The following PRDM6 variants were observed in gnomAD, a reference collection of about 807,000 sequenced individuals.
PRDM6 encodes the protein PR/SET domain 6.
Under a neutral mutation model 60.8 loss-of-function variants are expected in PRDM6, and 25 were observed. The observed-to-expected ratio is 0.41, with a 90% confidence interval of 0.30 to 0.57. The LOEUF (loss-of-function observed/expected upper bound fraction) is 0.57, where lower values mean the gene tolerates loss of function less well. Ranked by LOEUF, PRDM6 falls within the 20% of genes least tolerant of loss-of-function variation. PRDM6 has a pLI of 0.27. For missense variants in PRDM6, 839 were observed against 821.3 expected, an observed-to-expected ratio of 1.02 and a Z score of -0.26; for synonymous variants, 407 against 357.4, an observed-to-expected ratio of 1.14 and a Z score of -1.57.
At chr5:123,137,633 C>T (rs1764992605) in intron 3 of PRDM6, among the ~76,000 whole-genome samples, 1 of 152,068 alleles carries the variant, frequency 6.6e-6, no homozygotes. Flanking sequence ...ACACCCGGGC[C>T]TGTCAGGGGG....
chr5:123,159,671 T>G, intron 5 of PRDM6, 33 bp downstream of exon 5: 1 of 1,545,512 alleles, frequency 6.5e-7, no homozygotes, highest in Non-Finnish European at 8.7e-7. Flanking sequence ...AATTCACATT[T>G]CAATATACCT....
chr5:123,124,317 C>G (rs1199680530), intron 3 of PRDM6, among the ~76,000 whole-genome samples: 3 of 152,196 alleles, frequency 2.0e-5, no homozygotes, highest in Non-Finnish European at 4.4e-5. Context: ...TAGACACTCG[C>G]ATTTGTAGAA....
At chr5:123,128,550 G>C (rs190211201) in intron 3 of PRDM6, among the ~76,000 whole-genome samples, 1 of 152,184 alleles carries the variant, frequency 6.6e-6, no homozygotes, top group Admixed American at 6.5e-5. Flanking sequence ...TGTGTCGTTT[G>C]GCTGCATAAA....
chr5:123,168,078 C>T (rs879505543), intron 5 of PRDM6, among the ~76,000 whole-genome samples: 6 of 152,114 alleles, frequency 3.9e-5, no homozygotes, highest in Admixed American at 3.3e-4. Context: ...TCCTTCTTGT[C>T]GTTCAGTGCC....
At chr5:123,121,809 T>C (rs543920633) in intron 3 of PRDM6, among the ~76,000 whole-genome samples, 1 of 152,038 alleles carries the variant, frequency 6.6e-6, no homozygotes, top group East Asian at 1.9e-4. Flanking sequence ...AAAAATCTCT[T>C]GCATCTCTTT....
At chr5:123,150,927 G>A (rs1170089891) in intron 3 of PRDM6, among the ~76,000 whole-genome samples, 1 of 152,240 alleles carries the variant, frequency 6.6e-6, no homozygotes, top group East Asian at 1.9e-4. Context: ...GCTTCAAAAA[G>A]CATGTAATAT....
intron 2 of PRDM6, among the ~76,000 whole-genome samples, chr5:123,091,532 G>C (rs972509385): frequency 1.3e-5 from 2 of 152,164 alleles, no homozygotes; most frequent in East Asian, 3.9e-4. Flanking sequence ...TCCATTTGGC[G>C]GTTTTGAAGC....
At chr5:123,131,451 T>A (rs149880374) in intron 3 of PRDM6, among the ~76,000 whole-genome samples, 7 of 152,202 alleles carry the variant, frequency 4.6e-5, no homozygotes, top group Non-Finnish European at 1.0e-4. Flanking sequence ...TCTATAAATA[T>A]GTACCAGTAT....
rs142590427 is a variant in PRDM6, at chr5:123,192,182, T to C, written c.*4981T>C. On this transcript the variant is annotated 3_prime_UTR_variant, in exon 8 of 8. Transcript: ENST00000407847. ...GAATGATGATGATTATAAATTATAT[T>C]GTGCAATTACTGCCATGCCTTGTTC... 5.6e-4 allele frequency: 86 copies of C among 152,340 alleles called. No individual in the cohort carries two copies. The highest frequency in any genetic ancestry group is 1.9e-3 in the African/African-American group (79 of 41,592). 9.4% of individuals were successfully genotyped at this position (152,340 alleles called of 1,614,324 possible). A position where few individuals can be genotyped will look rare whatever the true frequency, so the allele number is the denominator to read the frequency against.
intron 3 of PRDM6, among the ~76,000 whole-genome samples, chr5:123,102,771 T>C (rs998251118): frequency 1.3e-5 from 2 of 152,140 alleles, no homozygotes; most frequent in African/African-American, 4.8e-5. Context: ...TGATGGATCT[T>C]ACCAGGGTTA....
intron 4 of PRDM6, among the ~76,000 whole-genome samples, chr5:123,157,820 T>C (rs1433269920): frequency 6.6e-6 from 1 of 152,274 alleles, no homozygotes; most frequent in Non-Finnish European, 1.5e-5. Context: ...TGATTGACCC[T>C]TAGCTGAACG....
At chr5:123,120,043 A>G (rs979313838) in intron 3 of PRDM6, among the ~76,000 whole-genome samples, 5 of 152,164 alleles carry the variant, frequency 3.3e-5, no homozygotes, top group Non-Finnish European at 7.3e-5. Context: ...CTTAATATAC[A>G]TTAGGTATCT....
chr5:123,173,998 T>C (rs537947364), intron 6 of PRDM6, among the ~76,000 whole-genome samples: 2 of 152,350 alleles, frequency 1.3e-5, no homozygotes, highest in South Asian at 4.1e-4. Context: ...TGGAACCTTT[T>C]TATGGTTATT....
At chr5:123,152,280 T>G (rs1427918684) in intron 3 of PRDM6, among the ~76,000 whole-genome samples, 1 of 152,154 alleles carries the variant, frequency 6.6e-6, no homozygotes, top group East Asian at 1.9e-4. Flanking sequence ...GTAAGTAGCA[T>G]GTAAGACAGT....
At chr5:123,160,198 C>T (rs1435740539) in intron 5 of PRDM6, among the ~76,000 whole-genome samples, 1 of 152,164 alleles carries the variant, frequency 6.6e-6, no homozygotes, top group Non-Finnish European at 1.5e-5. Flanking sequence ...TGTCTAAAAC[C>T]ATGTCTGGAA....
chr5:123,120,765 C>G (rs1490974744), intron 3 of PRDM6, among the ~76,000 whole-genome samples: 1 of 152,138 alleles, frequency 6.6e-6, no homozygotes, highest in Non-Finnish European at 1.5e-5. Context: ...ATGGACAAGT[C>G]AGAATTTGCT....
rs1561792641 is a variant in PRDM6 at position 123,090,470 on chromosome 5, T to TGGC, written c.458_459insCGG (p.Gly158dup). 19 of 1,483,018 alleles carry TGGC rather than the reference T, an allele frequency of 1.3e-5. No homozygotes were observed. Among genetic ancestry groups the TGGC allele is most frequent in the Non-Finnish European group, 8.9e-7 (1 of 1,125,216 alleles). The allele number at this position is 1,483,018 out of a possible 1,614,324, so 91.9% of individuals were successfully genotyped here. A position where few individuals can be genotyped will look rare whatever the true frequency, so the allele number is the denominator to read the frequency against. The stretch of plus-strand genomic sequence containing the variant: ...GCCCCGGGCCCGTCAAGTGCGGTGG[T>TGGC]GGTGGCGGCGGCGGCGGGGAGGGTC... On this transcript the variant is annotated inframe_insertion, in exon 2 of 8. Coordinates refer to ENST00000407847, the MANE Select transcript of PRDM6 (RefSeq NM_001136239.4).
intron 5 of PRDM6, among the ~76,000 whole-genome samples, chr5:123,162,947 G>A (rs913519061): frequency 6.6e-6 from 1 of 152,196 alleles, no homozygotes; most frequent in Non-Finnish European, 1.5e-5. Context: ...AAGGGCATGG[G>A]CAGATAATTT....
chr5:123,165,248 A>T (rs1765727666), intron 5 of PRDM6, among the ~76,000 whole-genome samples: 1 of 152,084 alleles, frequency 6.6e-6, no homozygotes, highest in Non-Finnish European at 1.5e-5. Flanking sequence ...CCTGCGTAAA[A>T]CTAAAACCAC....
Sources: gnomAD v4.1 joint callset for allele counts (sites outside exome capture counted in the v4.1 genomes callset) on GRCh38, gnomAD v4.1.1 for gene constraint, MANE v1.5 for transcripts, NCBI Gene and HGNC (gene_info 2026-07-23, HGNC 2026-07-21) for gene names.